ORAI2: variants seen among roughly 807,000 people sequenced by gnomAD.
ORAI2 encodes the protein ORAI calcium release-activated calcium modulator 2.
Under a neutral mutation model 16.2 loss-of-function variants are expected in ORAI2, and 10 were observed. That is an observed-to-expected ratio of 0.62 (90% CI 0.38 to 1.04). The LOEUF (loss-of-function observed/expected upper bound fraction) is 1.04, where lower values mean the gene tolerates loss of function less well. ORAI2 is among the 50% of genes least tolerant of loss of function. The pLI is 0.01. For missense variants in ORAI2, 238 were observed against 355.5 expected (o/e 0.67, Z 2.66); for synonymous variants, 150 against 157.5 (o/e 0.95, Z 0.35).
chr7:102,443,150 G>C (rs1186029009), intron 3 of ORAI2, among the ~76,000 whole-genome samples: 1 of 128,510 alleles, frequency 7.8e-6, no homozygotes, highest in Non-Finnish European at 1.6e-5. Context: ...TTTTTTAATA[G>C]AGATGGGGTC....
rs1410671951 is a variant in ORAI2, at chr7:102,447,133, C to T, written c.*81C>T. 1.4e-6 allele frequency: 2 copies of T among 1,410,614 alleles called. No homozygotes were observed. Among genetic ancestry groups the T allele is most frequent in the Non-Finnish European group, 1.9e-6 (2 of 1,074,386 alleles). The allele number at this position is 1,410,614 out of a possible 1,614,324, so 87.4% of individuals were successfully genotyped here. ...GGATTTGTCAGATGCAGACATTTTG[C>T]AAGGCTGCCGGGTAGTTCAAGACCA... On this transcript the variant is annotated 3_prime_UTR_variant, in exon 4 of 4. Transcript: ENST00000495936.
At chr7:102,434,450 C>T (rs1477401300) in intron 1 of ORAI2, among the ~76,000 whole-genome samples, 1 of 152,228 alleles carries the variant, frequency 6.6e-6, no homozygotes, top group Non-Finnish European at 1.5e-5. Context: ...TCTGCAGGGC[C>T]TCACCGATGG....
intron 3 of ORAI2, among the ~76,000 whole-genome samples, chr7:102,441,902 C>T (rs1483407558): frequency 6.6e-6 from 1 of 152,110 alleles, no homozygotes; most frequent in African/African-American, 2.4e-5. Context: ...AAATACAAAT[C>T]ATCAGAAACT....
At chr7:102,438,799 C>G in intron 2 of ORAI2, 145 bp from the exon 3 acceptor site, 1 of 708,066 alleles carries the variant, frequency 1.4e-6, no homozygotes, top group South Asian at 1.7e-5. Flanking sequence ...AGAAACATAA[C>G]TTTAGGTCCT....
chr7:102,445,079 C>G (rs575343965), intron 3 of ORAI2, among the ~76,000 whole-genome samples: 2 of 152,362 alleles, frequency 1.3e-5, no homozygotes, highest in Admixed American at 1.3e-4. Context: ...CCTTAGCAGA[C>G]CCAGCCATGC....
intron 3 of ORAI2, among the ~76,000 whole-genome samples, chr7:102,442,584 G>A (rs987344263): frequency 6.6e-6 from 1 of 152,166 alleles, no homozygotes; most frequent in South Asian, 2.1e-4. Context: ...CTACTCGGGA[G>A]GCTGAGGCAC....
rs781070305 is a variant in ORAI2, at chr7:102,447,192, G to A, written c.*140G>A. The A allele has an allele frequency of 2.1e-4, 190 of 923,696 alleles. 1 individual carries two copies. The Middle Eastern group carries it at 2.1e-3, about 10-fold the overall frequency. 57.2% of individuals were successfully genotyped at this position (923,696 alleles called of 1,614,324 possible). On this transcript the variant is annotated 3_prime_UTR_variant, in exon 4 of 4. Transcript: ENST00000495936. Reference sequence around the variant, plus strand: ...CTCTTGTCTTAATACCATAAGGACTGGATGACTTCTCCTGAGATAGAACCG... The same window carrying A: ...CTCTTGTCTTAATACCATAAGGACTAGATGACTTCTCCTGAGATAGAACCG...
intron 1 of ORAI2, among the ~76,000 whole-genome samples, chr7:102,434,529 ACT>A (rs1797012558): frequency 6.6e-6 from 1 of 151,274 alleles, no homozygotes; most frequent in African/African-American, 2.4e-5. Flanking sequence ...CTTCACCTCC[ACT>A]CTCAGACCTG....
At chr7:102,443,274 C>CTTTTTTTTTTTTT (rs1336293014) in intron 3 of ORAI2, among the ~76,000 whole-genome samples, 1 of 129,992 alleles carries the variant, frequency 7.7e-6, no homozygotes, top group African/African-American at 2.9e-5. Context: ...CCCTTTTCTC[C>CTTTTTTTTTTTTT]TTTTTTTTTT....
chr7:102,445,181 C>T (rs1797314727), intron 3 of ORAI2, among the ~76,000 whole-genome samples: 1 of 60,104 alleles, frequency 1.7e-5, no homozygotes, highest in Non-Finnish European at 2.8e-5. Flanking sequence ...GGCTTTTGGC[C>T]TCTGCTGAGG....
In ORAI2 at chr7:102,450,217, TAAAG is replaced by T. The variant is rs1797486878; in HGVS notation, c.*3169_*3172del. 1 of 143,794 alleles carries T rather than the reference TAAAG, an allele frequency of 7.0e-6. No homozygotes were observed. The highest frequency in any genetic ancestry group is 2.2e-4 in the South Asian group (1 of 4,554). The allele number at this position is 143,794 out of a possible 1,614,324, so 8.9% of individuals were successfully genotyped here. On this transcript the variant is annotated 3_prime_UTR_variant, in exon 4 of 4. Transcript: ENST00000495936. ...GTCTCTAAAAAAAAAAAAAAGAAAATAAAGAAAAAAGAATGTCAGCATGTCAGCG... is the reference window on the plus strand; with the variant it reads ...GTCTCTAAAAAAAAAAAAAAGAAAATAAAAAAGAATGTCAGCATGTCAGCG...
chr7:102,443,131 C>CTTCTTCT (rs1222395216), intron 3 of ORAI2, among the ~76,000 whole-genome samples: 9 of 25,650 alleles, frequency 3.5e-4, no homozygotes, highest in African/African-American at 6.5e-4. Context: ...TCTTCTTCTT[C>CTTCTTCT]TTTTTTTTTT....
rs1053723234 is a variant in ORAI2 at position 102,450,463 on chromosome 7, A to G, written c.*3411A>G. On this transcript the variant is annotated 3_prime_UTR_variant, in exon 4 of 4. Transcript: ENST00000495936. ...GACTGTGGAACGCATCTCCAGTGCC[A>G]TCTGGGGGCCAGTTACTGTACCTGG... 2 of 152,266 alleles carry G rather than the reference A, an allele frequency of 1.3e-5. No individual in the cohort carries two copies. The highest frequency in any genetic ancestry group is 4.8e-5 in the African/African-American group (2 of 41,474). The allele number at this position is 152,266 out of a possible 1,614,324, so 9.4% of individuals were successfully genotyped here. A position where few individuals can be genotyped will look rare whatever the true frequency, so the allele number is the denominator to read the frequency against.
rs1233848654 is a variant in ORAI2, at chr7:102,450,647, G to A, written c.*3595G>A. ...TTGTTCTCTTTCTCCTAGGGTTCTCGTTCTCCCAGCTCCAGCCTTTCTAGT... is the reference window on the plus strand; with the variant it reads ...TTGTTCTCTTTCTCCTAGGGTTCTCATTCTCCCAGCTCCAGCCTTTCTAGT... On this transcript the variant is annotated 3_prime_UTR_variant, in exon 4 of 4. Transcript: ENST00000495936. 1.3e-5 allele frequency: 2 copies of A among 152,284 alleles called. No homozygotes were observed. Among genetic ancestry groups the A allele is most frequent in the African/African-American group, 2.4e-5 (1 of 41,436 alleles). The allele number at this position is 152,284 out of a possible 1,614,324, so 9.4% of individuals were successfully genotyped here. A position where few individuals can be genotyped will look rare whatever the true frequency, so the allele number is the denominator to read the frequency against.
chr7:102,439,463 G>A lies in ORAI2; in HGVS notation c.225+282G>A, dbSNP rs775925351. On this transcript the variant is annotated intron_variant, in intron 3 of 3. Transcript: ENST00000495936. ...GCTTAGCAAGGAGGGAGGTTGGTGC[G>A]GGGTAATTATAGTAGCTCAGGTTCT... Among the ~76,000 whole-genome samples, 6 of 152,230 alleles carry A rather than the reference G, an allele frequency of 3.9e-5. No individual in the cohort carries two copies. In the South Asian group the frequency reaches 1.0e-3, roughly 26 times the overall value.
rs574478753 is a variant in ORAI2 at position 102,448,483 on chromosome 7, G to A, written c.*1431G>A. On this transcript the variant is annotated 3_prime_UTR_variant, in exon 4 of 4. Transcript: ENST00000495936. The stretch of plus-strand genomic sequence containing the variant: ...AGCACTTTGGGAGGCCTAGGTGGGC[G>A]GATCACTTGAGGTCAGGAGTTCGAG... 2.0e-5 allele frequency: 3 copies of A among 152,312 alleles called. No homozygotes were observed. Among genetic ancestry groups the A allele is most frequent in the Non-Finnish European group, 4.4e-5 (3 of 68,076 alleles). The allele number at this position is 152,312 out of a possible 1,614,324, so 9.4% of individuals were successfully genotyped here. A position where few individuals can be genotyped will look rare whatever the true frequency, so the allele number is the denominator to read the frequency against.
At chr7:102,434,833 C>A (rs1344769377) in intron 1 of ORAI2, 1 of 152,346 alleles carries the variant, frequency 6.6e-6, no homozygotes, top group Non-Finnish European at 1.5e-5. Flanking sequence ...CCTCCACCCC[C>A]CAGGTGGCAG....
chr7:102,453,600 C>G lies in ORAI2; in HGVS notation c.*6548C>G, dbSNP rs1464506081. On this transcript the variant is annotated 3_prime_UTR_variant, in exon 4 of 4. Transcript: ENST00000495936. ...GCCCCAGGCCAGCAAGCCCACAAGC[C>G]TCGAGAAAGACTGCACTTCCGGTGG... The G allele has an allele frequency of 2.0e-5, 3 of 152,360 alleles. No individual in the cohort carries two copies. Among genetic ancestry groups the G allele is most frequent in the East Asian group, 3.9e-4 (2 of 5,180 alleles). 9.4% of individuals were successfully genotyped at this position (152,360 alleles called of 1,614,324 possible).
rs151174734 is a variant in ORAI2 at position 102,448,434 on chromosome 7, G to A, written c.*1382G>A. ...TCATAAATAGTCACTGGGGCCGGGCGCAGTGACTCACGCCTGTAATCCCAG... is the reference window on the plus strand; with the variant it reads ...TCATAAATAGTCACTGGGGCCGGGCACAGTGACTCACGCCTGTAATCCCAG... On this transcript the variant is annotated 3_prime_UTR_variant, in exon 4 of 4. Transcript: ENST00000495936. 4.4e-3 allele frequency: 677 copies of A among 152,376 alleles called. 6 individuals carry two copies. Among genetic ancestry groups the A allele is most frequent in the African/African-American group, 0.016 (659 of 41,554 alleles). 9.4% of individuals were successfully genotyped at this position (152,376 alleles called of 1,614,324 possible).
Sources: allele counts gnomAD v4.1 joint callset (sites outside exome capture counted in the v4.1 genomes callset), GRCh38; gene constraint gnomAD v4.1.1; transcripts MANE v1.5; gene names NCBI Gene and HGNC (gene_info 2026-07-23, HGNC 2026-07-21).